ITGAE: variants seen among roughly 807,000 people sequenced by gnomAD.
ITGAE encodes the protein integrin subunit alpha E.
In ITGAE, 99 loss-of-function variants were observed where a neutral mutation model predicts 136.5. That is an observed-to-expected ratio of 0.73 (90% confidence interval 0.62 to 0.86). The LOEUF (loss-of-function observed/expected upper bound fraction) is 0.86, where lower values mean the gene tolerates loss of function less well. Among genes scored for constraint, ITGAE ranks in the 40% least tolerant of loss-of-function variants. The pLI, the probability that ITGAE is intolerant of heterozygous loss-of-function variation, is 0.00. For missense variants in ITGAE, 1,447 were observed against 1,515.3 expected, an observed-to-expected ratio of 0.95 and a Z score of 0.75; for synonymous variants, 613 against 591.8, an observed-to-expected ratio of 1.04 and a Z score of -0.52.
At chr17:3,785,865 A>C (rs557123018) in intron 1 of ITGAE, among the ~76,000 whole-genome samples, 1 of 152,042 alleles carries the variant, frequency 6.6e-6, no homozygotes, top group African/African-American at 2.4e-5. Flanking sequence ...AATAGATCCT[A>C]AGACATTTAA....
At position 3,720,650 on chromosome 17, in the gene ITGAE, C is replaced by T. The variant is rs368930164; in HGVS notation, c.3238-248G>A. 126 of 297,058 alleles carry T rather than the reference C, an allele frequency of 4.2e-4. 1 individual carries two copies. Among genetic ancestry groups the T allele is most frequent in the African/African-American group, 2.4e-3 (104 of 43,970 alleles). The allele number at this position is 297,058 out of a possible 1,614,324, so 18.4% of individuals were successfully genotyped here. A position where few individuals can be genotyped will look rare whatever the true frequency, so the allele number is the denominator to read the frequency against. ...AGGCTGGAGTGAAGTGGTGCGATCT[C>T]GGCTCACTGCAACCTCCACCCCGTC... On this transcript the variant is annotated intron_variant, in intron 28 of 30. Transcript: ENST00000263087.
intron 16 of ITGAE, among the ~76,000 whole-genome samples, chr17:3,748,352 G>A (rs967505172): frequency 1.3e-5 from 2 of 152,196 alleles, no homozygotes; most frequent in East Asian, 1.9e-4. Context: ...TTGGGAGGCC[G>A]AGGCGGGAGG....
At chr17:3,773,012 C>G (rs560521741) in intron 2 of ITGAE, among the ~76,000 whole-genome samples, 3 of 152,170 alleles carry the variant, frequency 2.0e-5, no homozygotes, top group Admixed American at 6.5e-5. Context: ...CCTCACAGGT[C>G]GAGGTCTCAG....
intron 6 of ITGAE, 143 bp from the exon 7 acceptor site, chr17:3,760,430 CT>C (rs1208333239): frequency 0.018 from 1,121 of 64,046 alleles, no homozygotes; most frequent in South Asian, 0.092. Flanking sequence ...AAGAGGGAAG[CT>C]TTTTTTTTTT....
chr17:3,734,108 T>C (rs575087694), intron 21 of ITGAE, among the ~76,000 whole-genome samples: 46 of 152,350 alleles, frequency 3.0e-4, no homozygotes, highest in African/African-American at 1.1e-3. Context: ...TCTTGCTCTG[T>C]GGCCCAGGCT....
intron 1 of ITGAE, among the ~76,000 whole-genome samples, chr17:3,797,167 T>A (rs1234081844): frequency 0.12 from 13,687 of 112,904 alleles, 1,040 homozygotes; most frequent in Admixed American, 0.19. Flanking sequence ...ATTTTTTTTT[T>A]TTTTTTTTTT....
At chr17:3,739,676 G>A (rs538526590) in intron 20 of ITGAE, 129 bp downstream of exon 20, 10 of 750,370 alleles carry the variant, frequency 1.3e-5, no homozygotes, top group African/African-American at 5.1e-5. Flanking sequence ...GAGATAATAA[G>A]TGCAGAAGCC....
At chr17:3,742,974 AC>A (rs2051622336) in intron 19 of ITGAE, among the ~76,000 whole-genome samples, 1 of 152,100 alleles carries the variant, frequency 6.6e-6, no homozygotes, top group African/African-American at 2.4e-5. Flanking sequence ...TTATGACACT[AC>A]CCGCCTGTCT....
At chr17:3,757,243 C>T (rs2052050571) in intron 9 of ITGAE, 109 bp from the exon 10 acceptor site, 1 of 1,305,678 alleles carries the variant, frequency 7.7e-7, no homozygotes, top group Admixed American at 2.2e-5. Context: ...TACCTGTCTC[C>T]TTCCTTCCTT....
At chr17:3,723,617 G>C in intron 27 of ITGAE, 71 bp downstream of exon 27, 1 of 1,431,336 alleles carries the variant, frequency 7.0e-7, no homozygotes, top group South Asian at 1.3e-5. Flanking sequence ...AGGAAAAACA[G>C]TCTCCTGGCC....
At chr17:3,751,539 C>T (rs1478589507) in intron 15 of ITGAE, 111 bp downstream of exon 15, 1 of 950,230 alleles carries the variant, frequency 1.1e-6, no homozygotes, top group Non-Finnish European at 1.6e-6. Context: ...CATTCCCAAC[C>T]CCCGAGACCT....
intron 26 of ITGAE, chr17:3,724,324 G>T: frequency 1.3e-6 from 2 of 1,587,932 alleles, no homozygotes; most frequent in Non-Finnish European, 1.7e-6. Context: ...AGCACACCCT[G>T]CGGCCCGCTC....
chr17:3,784,736 C>T (rs1031804020), intron 1 of ITGAE, among the ~76,000 whole-genome samples: 3 of 152,144 alleles, frequency 2.0e-5, no homozygotes, highest in Non-Finnish European at 4.4e-5. Flanking sequence ...CCAAAATTGA[C>T]CATATGCTAG....
At chr17:3,730,477 C>T (rs985515431) in intron 23 of ITGAE, 4 of 117,416 alleles carry the variant, frequency 3.4e-5, no homozygotes, top group Non-Finnish European at 6.3e-5. Flanking sequence ...AAATAAAAGG[C>T]TTTCAGAGAT....
At chr17:3,762,589 ATTTTTTTTTTTT>A (rs1201695419) in intron 3 of ITGAE, among the ~76,000 whole-genome samples, 1 of 111,782 alleles carries the variant, frequency 8.9e-6, no homozygotes, top group Non-Finnish European at 1.8e-5. Flanking sequence ...TCAGACAAGG[ATTTTTTTTTTTT>A]TTTTTTTTTT....
chr17:3,726,086 C>T, intron 26 of ITGAE: 2 of 1,614,154 alleles, frequency 1.2e-6, no homozygotes, highest in South Asian at 1.1e-5. Context: ...ACGGTGACTA[C>T]CAGTTTGACA....
At chr17:3,751,535 C>A in intron 15 of ITGAE, 115 bp downstream of exon 15, 1 of 919,692 alleles carries the variant, frequency 1.1e-6, no homozygotes. Flanking sequence ...TGGGCATTCC[C>A]AACCCCCGAG....
intron 17 of ITGAE, 63 bp from the exon 18 acceptor site, chr17:3,745,990 C>T: frequency 2.7e-6 from 4 of 1,494,664 alleles, no homozygotes; most frequent in Non-Finnish European, 3.6e-6. Flanking sequence ...ACAGAAGGCC[C>T]CCAGCCTGCC....
At chr17:3,757,683 G>A in intron 9 of ITGAE, 23 bp downstream of exon 9, 1 of 1,611,832 alleles carries the variant, frequency 6.2e-7, no homozygotes, top group Non-Finnish European at 8.5e-7. Flanking sequence ...TTCAGGAGGT[G>A]TCTCCCGGCT....
Sources: allele counts gnomAD v4.1 joint callset (sites outside exome capture counted in the v4.1 genomes callset), GRCh38; gene constraint gnomAD v4.1.1; transcripts MANE v1.5; gene names NCBI Gene and HGNC (gene_info 2026-07-23, HGNC 2026-07-21).